The following RPTOR variants were observed in gnomAD, a reference collection of about 807,000 sequenced individuals.
RPTOR encodes the protein regulatory-associated protein of mTOR.
In RPTOR, 21 loss-of-function variants were observed where a neutral mutation model predicts 169.9. The observed-to-expected ratio is 0.12, with a 90% CI of 0.09 to 0.18. RPTOR has a LOEUF of 0.18. Ranked by LOEUF, RPTOR falls within the 10% of genes least tolerant of loss-of-function variation. RPTOR has a pLI of 1.00. For missense variants in RPTOR, 1,133 were observed against 1,855.9 expected (o/e 0.61, Z 7.16); for synonymous variants, 732 against 753.2 (o/e 0.97, Z 0.46).
intron 28 of RPTOR, among the ~76,000 whole-genome samples, chr17:80,951,970 C>T (rs950365357): frequency 1.3e-5 from 2 of 152,240 alleles, no homozygotes; most frequent in Non-Finnish European, 2.9e-5. Context: ...CACCAGGACA[C>T]AGACACACGT....
chr17:80,832,889 G>A (rs1279728178), intron 9 of RPTOR, among the ~76,000 whole-genome samples: 4 of 152,208 alleles, frequency 2.6e-5, no homozygotes, highest in Non-Finnish European at 5.9e-5. Flanking sequence ...TTAGCAAGAG[G>A]AAAGAGGGAA....
intron 6 of RPTOR, among the ~76,000 whole-genome samples, chr17:80,785,766 A>C (rs2066985014): frequency 6.6e-6 from 1 of 152,180 alleles, no homozygotes; most frequent in Non-Finnish European, 1.5e-5. Flanking sequence ...AATGACAGTC[A>C]TGATGGGGAT....
intron 1 of RPTOR, among the ~76,000 whole-genome samples, chr17:80,601,094 C>G (rs1428030928): frequency 6.6e-6 from 1 of 152,174 alleles, no homozygotes; most frequent in Non-Finnish European, 1.5e-5. Context: ...AACCCAAGAC[C>G]AGCCCCATCG....
chr17:80,833,737 C>A (rs1240721203), intron 9 of RPTOR, among the ~76,000 whole-genome samples: 4 of 152,214 alleles, frequency 2.6e-5, no homozygotes, highest in African/African-American at 7.2e-5. Context: ...CGCCTGTAAT[C>A]CCAGCACTTT....
chr17:80,730,801 C>T lies in RPTOR; in HGVS notation c.654+95C>T. Reference sequence around the variant, plus strand: ...GGGGAGGTTGGGAGGTGTTGGACATCCTCTGAATGGAGCAGGGCTCAGAAT... The same window carrying T: ...GGGGAGGTTGGGAGGTGTTGGACATTCTCTGAATGGAGCAGGGCTCAGAAT... On this transcript the variant is annotated intron_variant, in intron 5 of 33. Coordinates refer to ENST00000306801, the MANE Select transcript of RPTOR (RefSeq NM_020761.3). This position sits in a 1 kb window ranked among gnomAD's most constrained non-coding sequence, Gnocchi z 4.2. 2 of 1,205,622 alleles carry T rather than the reference C, an allele frequency of 1.7e-6. No homozygotes were observed. Among genetic ancestry groups the T allele is most frequent in the Non-Finnish European group, 2.4e-6 (2 of 847,100 alleles). The allele number at this position is 1,205,622 out of a possible 1,614,324, so 74.7% of individuals were successfully genotyped here. A position where few individuals can be genotyped will look rare whatever the true frequency, so the allele number is the denominator to read the frequency against.
chr17:80,775,635 AACAG>A (rs1449071474), intron 6 of RPTOR, among the ~76,000 whole-genome samples: 3 of 152,212 alleles, frequency 2.0e-5, no homozygotes, highest in Non-Finnish European at 2.9e-5. Context: ...CAGGATGAAA[AACAG>A]ACAGCCCCCA....
In RPTOR at chr17:80,844,222, C is replaced by G. The variant is rs2067701743; in HGVS notation, c.1213-2251C>G. Among the ~76,000 whole-genome samples the G allele has an allele frequency of 2.0e-5, 3 of 152,226 alleles. No homozygotes were observed. The South Asian group carries it at 6.2e-4, about 32-fold the overall frequency. ...GGCGCTTGCTCTAATTCGTCAGCCT[C>G]CCCGTGGCTTTAGGGAGCTTCACGG... On this transcript the variant is annotated intron_variant, in intron 10 of 33. Coordinates refer to ENST00000306801, the MANE Select transcript of RPTOR (RefSeq NM_020761.3). This position sits in a 1 kb window ranked among gnomAD's most constrained non-coding sequence, Gnocchi z 4.7.
rs191593136 is a variant in RPTOR, at chr17:80,889,058, C to A, written c.1984-2662C>A. ...GGCCTGGAGGGGTTTGGGGGCAGGA[C>A]CTCACCTTCGGCTGCCCAGGTGAGA... On this transcript the variant is annotated intron_variant, in intron 17 of 33. Coordinates refer to ENST00000306801, the MANE Select transcript of RPTOR (RefSeq NM_020761.3). Among the ~76,000 whole-genome samples the A allele has an allele frequency of 1.4e-3, 218 of 152,306 alleles. 1 individual carries two copies. Among genetic ancestry groups the A allele is most frequent in the Admixed American group, 0.013 (199 of 15,304 alleles).
intron 9 of RPTOR, among the ~76,000 whole-genome samples, chr17:80,827,582 C>T (rs2067458172): frequency 6.6e-6 from 1 of 152,172 alleles, no homozygotes; most frequent in Non-Finnish European, 1.5e-5. Flanking sequence ...TCTCAGGTCC[C>T]ACCTGCACCC....
intron 1 of RPTOR, among the ~76,000 whole-genome samples, chr17:80,613,074 C>T (rs1473316702): frequency 1.3e-5 from 2 of 152,190 alleles, no homozygotes; most frequent in Admixed American, 6.5e-5. Context: ...GAAGGCCCCC[C>T]TGCCCTGGTG....
chr17:80,896,379 G>GGCCGCGCTGACACCCCACA (rs1413818828), intron 20 of RPTOR, among the ~76,000 whole-genome samples: 25 of 99,594 alleles, frequency 2.5e-4, no homozygotes, highest in African/African-American at 8.8e-4. Context: ...GACACCCCAC[G>GGCCGCGCTGACACCCCACA]CGGCCTCGCT....
At chr17:80,883,728 G>A (rs918224915) in intron 15 of RPTOR, 53 bp from the exon 16 acceptor site, 16 of 1,577,750 alleles carry the variant, frequency 1.0e-5, no homozygotes, top group Admixed American at 6.7e-5. Context: ...TACCCACCAC[G>A]TGCCTGCCAT....
At chr17:80,873,876 C>CAG (rs2068077394) in intron 13 of RPTOR, among the ~76,000 whole-genome samples, 1 of 152,194 alleles carries the variant, frequency 6.6e-6, no homozygotes, top group Non-Finnish European at 1.5e-5. Context: ...TCAGGCCCGG[C>CAG]AGGACAGCAC....
At chr17:80,819,890 G>C (rs2067362040) in intron 7 of RPTOR, among the ~76,000 whole-genome samples, 1 of 152,220 alleles carries the variant, frequency 6.6e-6, no homozygotes, top group Non-Finnish European at 1.5e-5. Context: ...CAGGCACGTT[G>C]TTACAGTCGT....
At chr17:80,613,940 T>G (rs12946802) in intron 1 of RPTOR, among the ~76,000 whole-genome samples, 1 of 152,190 alleles carries the variant, frequency 6.6e-6, no homozygotes, top group Non-Finnish European at 1.5e-5. Context: ...GTGGCCGTGC[T>G]GAGTGGATTC....
intron 1 of RPTOR, among the ~76,000 whole-genome samples, chr17:80,612,055 A>G (rs1022594901): frequency 3.9e-5 from 6 of 152,198 alleles, no homozygotes; most frequent in Non-Finnish European, 7.3e-5. Flanking sequence ...ATGACTTCAC[A>G]TTGCATTACA....
chr17:80,743,818 G>C (rs200662506), intron 5 of RPTOR, among the ~76,000 whole-genome samples: 4,792 of 25,340 alleles, frequency 0.19, 254 homozygotes, highest in African/African-American at 0.22. Context: ...GCTACTAGCA[G>C]AGCCCTGGCT....
intron 3 of RPTOR, among the ~76,000 whole-genome samples, chr17:80,672,731 A>G (rs1446496002): frequency 6.6e-6 from 1 of 151,936 alleles, no homozygotes; most frequent in Non-Finnish European, 1.5e-5. Flanking sequence ...TGAAGCTTTC[A>G]GTGAGCCGAG....
intron 3 of RPTOR, among the ~76,000 whole-genome samples, chr17:80,678,063 C>T (rs1474535540): frequency 2.6e-5 from 4 of 152,214 alleles, no homozygotes; most frequent in Admixed American, 2.6e-4. Context: ...GTGTGAAAGA[C>T]ACAATATACT....
Sources: allele counts gnomAD v4.1 joint callset (sites outside exome capture counted in the v4.1 genomes callset), GRCh38; gene constraint gnomAD v4.1.1; non-coding constraint Gnocchi (gnomAD v3.1); transcripts MANE v1.5; gene names NCBI Gene and HGNC (gene_info 2026-07-23, HGNC 2026-07-21).